ITSN2: variants seen among roughly 807,000 people sequenced by gnomAD.
The protein encoded by ITSN2 is intersectin-2.
In ITSN2, 156 loss-of-function variants were observed where a neutral mutation model predicts 243.7. The ratio of observed to expected loss-of-function variants is 0.64; its 90% CI spans 0.56 to 0.73. The LOEUF is 0.73. Ranked by LOEUF, ITSN2 falls within the 30% of genes least tolerant of loss-of-function variation. The probability of loss-of-function intolerance (pLI) is 0.00; values close to 1 mark genes in which losing one functional copy is unlikely to be tolerated. For missense variants in ITSN2, 1,801 were observed against 1,996.1 expected (o/e 0.90, Z 1.86); for synonymous variants, 703 against 699.9 (o/e 1.00, Z -0.07).
chr2:24,293,801 G>T, intron 14 of ITSN2, 26 bp from the exon 15 acceptor site: 1 of 683,540 alleles, frequency 1.5e-6, no homozygotes, highest in South Asian at 2.0e-5. Flanking sequence ...AATAGTACCT[G>T]ATTACAATGT....
Position 24,351,901 on chromosome 2 carries a change from TC to T in ITSN2, c.-34+8402del, listed in dbSNP as rs765808240. 3.5e-4 allele frequency among the ~76,000 whole-genome samples: 54 copies of T among 152,296 alleles called. No individual in the cohort carries two copies. In the Middle Eastern group the frequency reaches 0.017, roughly 48 times the overall value. ...TCGGATATGCCAAGGAGAAGCCACT[TC>T]CTTCAAGTGAAAAGGTGAAAGTTCT... On this transcript the variant is annotated intron_variant, in intron 1 of 39. Coordinates refer to ENST00000355123, the MANE Select transcript of ITSN2 (RefSeq NM_006277.3).
intron 1 of ITSN2, among the ~76,000 whole-genome samples, chr2:24,336,522 C>T (rs573113898): frequency 1.3e-5 from 2 of 152,294 alleles, no homozygotes; most frequent in South Asian, 4.1e-4. Context: ...TTCCATATGT[C>T]CTAAGTATAC....
intron 18 of ITSN2, among the ~76,000 whole-genome samples, chr2:24,274,549 C>T (rs949898446): frequency 1.3e-5 from 2 of 152,064 alleles, no homozygotes; most frequent in African/African-American, 4.8e-5. Context: ...AATCCAGCCT[C>T]GGTGGCAGAG....
chr2:24,309,092 AC>A (rs1228018248), intron 7 of ITSN2: 1 of 222,662 alleles, frequency 4.5e-6, no homozygotes, highest in Non-Finnish European at 1.0e-5. Context: ...TCATCCTAAA[AC>A]CATTGCTTCA....
At chr2:24,238,902 A>C (rs1672449774) in intron 29 of ITSN2, 1 of 152,326 alleles carries the variant, frequency 6.6e-6, no homozygotes, top group Non-Finnish European at 1.5e-5. Context: ...GTTTTAAAGA[A>C]TGTTTCAAAA....
intron 2 of ITSN2, among the ~76,000 whole-genome samples, chr2:24,318,142 C>T (rs1684137188): frequency 6.6e-6 from 1 of 152,060 alleles, no homozygotes; most frequent in African/African-American, 2.4e-5. Flanking sequence ...TAATCTGTGT[C>T]ATGTTTCTTT....
At chr2:24,338,959 T>C (rs1686742608) in intron 1 of ITSN2, among the ~76,000 whole-genome samples, 1 of 152,198 alleles carries the variant, frequency 6.6e-6, no homozygotes, top group Non-Finnish European at 1.5e-5. Flanking sequence ...GTAAGAATTA[T>C]CTAACATGAG....
At position 24,204,332 on chromosome 2, in the gene ITSN2, T is replaced by G; in HGVS notation, c.4849A>C (p.Asn1617His). Residue 1617 changes from asparagine to histidine, a missense_variant, in exon 39 of 40, where the codon AAT (asparagine) becomes CAT (histidine). Asn to His is a moderately conservative substitution (Grantham distance 68). Coordinates refer to ENST00000355123, the MANE Select transcript of ITSN2 (RefSeq NM_006277.3). This position sits in a 1 kb window ranked among gnomAD's most constrained non-coding sequence, Gnocchi z 5.1. ...TIQDTLNPKW[N>H]FNCQFFIKDL... is the part of the protein sequence containing the mutation. ...TTAATAAAGAACTGGCAGTTAAAAT[T>G]CCACTTGGGATTGAGTGTGTCCTGG... 6.2e-7 allele frequency: 1 copy of G among 1,614,140 alleles called. No individual in the cohort carries two copies. Among genetic ancestry groups the G allele is most frequent in the Non-Finnish European group, 8.5e-7 (1 of 1,179,994 alleles).
Position 24,299,779 on chromosome 2 carries a change from G to C in ITSN2, c.1344+130C>G, listed in dbSNP as rs921700894. 6.5e-5 allele frequency: 48 copies of C among 739,590 alleles called. 1 individual carries two copies. The highest frequency in any genetic ancestry group is 9.3e-5 in the Non-Finnish European group (43 of 460,016). The allele number at this position is 739,590 out of a possible 1,614,324, so 45.8% of individuals were successfully genotyped here. A position where few individuals can be genotyped will look rare whatever the true frequency, so the allele number is the denominator to read the frequency against. On this transcript the variant is annotated intron_variant, in intron 12 of 39. Coordinates refer to ENST00000355123, the MANE Select transcript of ITSN2 (RefSeq NM_006277.3). ...GGAAGGAATGATCAGATTTGTATAGGGTAAGAATGAAATGATGCAGAGCAA... is the reference window on the plus strand; with the variant it reads ...GGAAGGAATGATCAGATTTGTATAGCGTAAGAATGAAATGATGCAGAGCAA...
At chr2:24,360,747 C>T (rs1688913169), upstream of ITSN2, 1 of 152,886 alleles carries the variant, frequency 6.5e-6, no homozygotes. Flanking sequence ...GCCCCGAAGC[C>T]CCAGACCTGG....
At chr2:24,260,211 T>C (rs1675632056) in intron 22 of ITSN2, among the ~76,000 whole-genome samples, 1 of 152,204 alleles carries the variant, frequency 6.6e-6, no homozygotes. Flanking sequence ...ACTGAGTCAC[T>C]GTGCCTGGTG....
At chr2:24,236,508 C>T (rs930256913) in intron 29 of ITSN2, among the ~76,000 whole-genome samples, 2 of 151,832 alleles carry the variant, frequency 1.3e-5, no homozygotes, top group African/African-American at 4.8e-5. Context: ...GAAGCTGTTA[C>T]CAAAAAAAGT....
At chr2:24,236,217 CA>C (rs1200243022) in intron 29 of ITSN2, among the ~76,000 whole-genome samples, 1 of 152,178 alleles carries the variant, frequency 6.6e-6, no homozygotes, top group Non-Finnish European at 1.5e-5. Flanking sequence ...ACCTTGAAAA[CA>C]TTATGCTAAG....
At chr2:24,276,798 G>C (rs1678071050) in intron 17 of ITSN2, among the ~76,000 whole-genome samples, 1 of 152,170 alleles carries the variant, frequency 6.6e-6, no homozygotes, top group African/African-American at 2.4e-5. Flanking sequence ...CATAATCCAA[G>C]CTGGCCCAGA....
intron 34 of ITSN2, 40 bp downstream of exon 34, chr2:24,210,740 G>A: frequency 6.3e-7 from 1 of 1,589,618 alleles, no homozygotes; most frequent in Non-Finnish European, 8.6e-7. Context: ...CCCACCCAGA[G>A]CCTCCCTGGA....
chr2:24,349,614 T>C (rs958081576), intron 1 of ITSN2, among the ~76,000 whole-genome samples: 2 of 152,186 alleles, frequency 1.3e-5, no homozygotes, highest in Admixed American at 6.5e-5. Flanking sequence ...CTTCCAATTA[T>C]GTAATCCACT....
intron 2 of ITSN2, among the ~76,000 whole-genome samples, chr2:24,324,184 A>C (rs1684901457): frequency 1.3e-5 from 2 of 152,154 alleles, no homozygotes; most frequent in African/African-American, 4.8e-5. Flanking sequence ...GTGAGCAGAG[A>C]TCATGCCACT....
At chr2:24,306,072 C>G (rs1413576371) in intron 8 of ITSN2, among the ~76,000 whole-genome samples, 1 of 152,096 alleles carries the variant, frequency 6.6e-6, no homozygotes, top group East Asian at 1.9e-4. Flanking sequence ...CTCTGCCTCC[C>G]AGGCACAAAT....
intron 1 of ITSN2, among the ~76,000 whole-genome samples, chr2:24,338,630 C>T (rs1345313403): frequency 6.6e-6 from 1 of 152,178 alleles, no homozygotes; most frequent in Non-Finnish European, 1.5e-5. Context: ...ATATATTCTC[C>T]ACCTATGCAT....
Sources: gnomAD v4.1 joint callset for allele counts (sites outside exome capture counted in the v4.1 genomes callset) on GRCh38, gnomAD v4.1.1 for gene constraint, Gnocchi (gnomAD v3.1) non-coding constraint, MANE v1.5 for transcripts, NCBI Gene and HGNC (gene_info 2026-07-23, HGNC 2026-07-21) for gene names.